Variants in ZBTB42 observed in about 807,000 individuals in gnomAD.
ZBTB42 encodes zinc finger and BTB domain-containing protein 42.
A neutral mutation model predicts 4.7 loss-of-function variants in ZBTB42; 3 were observed. The ratio of observed to expected loss-of-function variants is 0.64; its 90% CI spans 0.29 to 1.66. The LOEUF is 1.66. ZBTB42 is among the 40% of genes most tolerant of loss of function. The probability of loss-of-function intolerance (pLI) is 0.10; values close to 1 mark genes in which losing one functional copy is unlikely to be tolerated. For synonymous variants in ZBTB42, 255 were observed against 259.5 expected (o/e 0.98, Z 0.17); for missense variants, 521 against 577.1 (o/e 0.90, Z 1.00).
Position 104,802,474 on chromosome 14 carries a change from C to T in ZBTB42, c.*8C>T, listed in dbSNP as rs373056692. On this transcript the variant is annotated 3_prime_UTR_variant, in exon 1 of 1. Coordinates refer to ENST00000342537, the MANE Select transcript of ZBTB42 (RefSeq NM_001137601.3). The surrounding 1 kb of genome is among the most constrained non-coding windows in gnomAD (Gnocchi z 5.9). ...AAGTCCCTTCTGGTGTGATGCATCC[C>T]TGTGGGTCCTGAGGGTGGGGTGGAA... 197 of 1,544,608 alleles carry T rather than the reference C, an allele frequency of 1.3e-4. No homozygotes were observed. The African/African-American group carries it at 2.3e-3, about 18-fold the overall frequency.
Position 104,802,840 on chromosome 14 carries a change from C to T in ZBTB42, c.*374C>T. 1 of 310,442 alleles carries T rather than the reference C, an allele frequency of 3.2e-6. No homozygotes were observed. The highest frequency in any genetic ancestry group is 4.3e-5 in the South Asian group (1 of 23,028). The allele number at this position is 310,442 out of a possible 1,614,324, so 19.2% of individuals were successfully genotyped here. ...GTGAGATGGCACATCCATCTCCCGGCCCGGGACTTTCCTGACCACCTCTCT... is the reference window on the plus strand; with the variant it reads ...GTGAGATGGCACATCCATCTCCCGGTCCGGGACTTTCCTGACCACCTCTCT... On this transcript the variant is annotated 3_prime_UTR_variant, in exon 1 of 1. Coordinates refer to ENST00000342537, the MANE Select transcript of ZBTB42 (RefSeq NM_001137601.3). The surrounding 1 kb of genome is among the most constrained non-coding windows in gnomAD (Gnocchi z 5.9).
rs761257626 is a variant in ZBTB42 at position 104,802,412 on chromosome 14, C to G, written c.1215C>G (p.Leu405=). 2 of 1,551,042 alleles carry G rather than the reference C, an allele frequency of 1.3e-6. No individual in the cohort carries two copies. The highest frequency in any genetic ancestry group is 2.7e-5 in the African/African-American group (2 of 73,224). Residue 405 remains leucine, a synonymous_variant, in exon 1 of 1, where the codon CTC becomes CTG. Transcript: ENST00000342537. The surrounding 1 kb of genome is among the most constrained non-coding windows in gnomAD (Gnocchi z 5.9). ...GCCGTTTCACGCAGTCCGGGGACCT[C>G]TACCGCCACGTCCGCAAGTTTCACT... ...CERRFTQSGD[L]YRHVRKFHCG...
Position 104,801,821 on chromosome 14 carries a change from G to C in ZBTB42, c.624G>C (p.Gln208His). 6.5e-7 allele frequency: 1 copy of C among 1,550,186 alleles called. No homozygotes were observed. The highest frequency in any genetic ancestry group is 8.7e-7 in the Non-Finnish European group (1 of 1,146,888). ...QERVHPPCVL[Q>H]TPLCSQRQPG... Reference sequence around the variant, plus strand: ...GGGTCCACCCACCGTGCGTCCTCCAGACACCCCTCTGCAGCCAGAGGCAGC... The same window carrying C: ...GGGTCCACCCACCGTGCGTCCTCCACACACCCCTCTGCAGCCAGAGGCAGC... Residue 208 changes from glutamine to histidine, a missense_variant, in exon 1 of 1, where the codon CAG (glutamine) becomes CAC (histidine). By Grantham distance (24) the Gln-to-His change is conservative (BLOSUM62 0). Coordinates refer to ENST00000342537, the MANE Select transcript of ZBTB42 (RefSeq NM_001137601.3). This position sits in a 1 kb window ranked among gnomAD's most constrained non-coding sequence, Gnocchi z 4.4.
At position 104,802,170 on chromosome 14, in the gene ZBTB42, G is replaced by T. The variant is rs1243535294; in HGVS notation, c.973G>T (p.Ala325Ser). The change falls in exon 1 of 1, where the codon GCC (alanine) becomes TCC (serine). Residue 325 changes from alanine to serine, a missense_variant. Coordinates refer to ENST00000342537, the MANE Select transcript of ZBTB42 (RefSeq NM_001137601.3). The surrounding 1 kb of genome is among the most constrained non-coding windows in gnomAD (Gnocchi z 5.9). ...CTTCCGTGAGCGAGACAGCACCCGG[G>T]CCCGGCTCTCACCCGACGGCGTGGC... The part of the protein sequence containing the change: ...AHFRERDSTR[A>S]RLSPDGVAPT... 1 of 1,548,580 alleles carries T rather than the reference G, an allele frequency of 6.5e-7. No individual in the cohort carries two copies. Among genetic ancestry groups the T allele is most frequent in the Non-Finnish European group, 8.7e-7 (1 of 1,146,792 alleles).
rs1566830718 is a variant in ZBTB42 at position 104,801,795 on chromosome 14, C to A, written c.598C>A (p.Arg200=). Residue 200 remains arginine (R), a synonymous_variant, in exon 1 of 1, where the codon CGG becomes AGG. Transcript: ENST00000342537. This position sits in a 1 kb window ranked among gnomAD's most constrained non-coding sequence, Gnocchi z 4.4. ...LSLKSGPRQE[R]VHPPCVLQTP... is the part of the protein sequence containing the mutation. ...GTTGAAGTCTGGCCCAAGGCAGGAG[C>A]GGGTCCACCCACCGTGCGTCCTCCA... The A allele has an allele frequency of 6.5e-7, 1 of 1,549,442 alleles. No individual in the cohort carries two copies. Among genetic ancestry groups the A allele is most frequent in the African/African-American group, 1.4e-5 (1 of 73,046 alleles).
rs1894086866 is a variant in ZBTB42 at position 104,803,040 on chromosome 14, GGGCC to G, written c.*575_*578del. 6.5e-6 allele frequency: 1 copy of G among 153,976 alleles called. No individual in the cohort carries two copies. The highest frequency in any genetic ancestry group is 2.6e-5 in the African/African-American group (1 of 38,650). 9.5% of individuals were successfully genotyped at this position (153,976 alleles called of 1,614,324 possible). A position where few individuals can be genotyped will look rare whatever the true frequency, so the allele number is the denominator to read the frequency against. Reference sequence around the variant, plus strand: ...CCTGGGGCACAGTGAGTGCCAGCAGGGGCCATCTGGGCACAGCTGGTGTCTCGGG... The same window carrying G: ...CCTGGGGCACAGTGAGTGCCAGCAGGATCTGGGCACAGCTGGTGTCTCGGG... On this transcript the variant is annotated 3_prime_UTR_variant, in exon 1 of 1. Transcript: ENST00000342537.
chr14:104,801,023 G>A, upstream of ZBTB42: 2 of 765,830 alleles, frequency 2.6e-6, no homozygotes, highest in Non-Finnish European at 3.7e-6. The surrounding 1 kb of genome is among the most constrained non-coding windows in gnomAD (Gnocchi z 4.4). Context: ...GTTTACTTTC[G>A]ATCGAGTTTT....
rs779296169 is a variant in ZBTB42 at position 104,802,783 on chromosome 14, A to G, written c.*317A>G. 1.2e-5 allele frequency: 5 copies of G among 418,104 alleles called. No homozygotes were observed. Among genetic ancestry groups the G allele is most frequent in the Non-Finnish European group, 2.2e-5 (5 of 222,776 alleles). 25.9% of individuals were successfully genotyped at this position (418,104 alleles called of 1,614,324 possible). On this transcript the variant is annotated 3_prime_UTR_variant, in exon 1 of 1. Transcript: ENST00000342537. The surrounding 1 kb of genome is among the most constrained non-coding windows in gnomAD (Gnocchi z 5.9). ...CCAGCCAAGTTCTGAGGGGTGTCCAACCAGCACCTGGCTCTGCCCCCGTTT... is the reference window on the plus strand; with the variant it reads ...CCAGCCAAGTTCTGAGGGGTGTCCAGCCAGCACCTGGCTCTGCCCCCGTTT...
rs142321750 is a variant in ZBTB42 at position 104,802,207 on chromosome 14, C to G, written c.1010C>G (p.Pro337Arg). 8 of 1,550,002 alleles carry G rather than the reference C, an allele frequency of 5.2e-6. No homozygotes were observed. In the Admixed American group the frequency reaches 9.8e-5, roughly 19 times the overall value. Reference sequence around the variant, plus strand: ...CCCGACGGCGTGGCACCCACCTGCCCGCTCTGTGGGAAGACCTTCTCGTGC... The same window carrying G: ...CCCGACGGCGTGGCACCCACCTGCCGGCTCTGTGGGAAGACCTTCTCGTGC... ...LSPDGVAPTC[P>R]LCGKTFSCTY... is the part of the protein sequence containing the mutation. The change falls in exon 1 of 1, where the codon CCG becomes CGG. Residue 337 changes from proline (P) to arginine (R), a missense_variant. Pro to Arg is a moderately radical substitution (Grantham distance 103). Transcript: ENST00000342537. The surrounding 1 kb of genome is among the most constrained non-coding windows in gnomAD (Gnocchi z 5.9).
At position 104,802,071 on chromosome 14, in the gene ZBTB42, C is replaced by T. The variant is rs1326124397; in HGVS notation, c.874C>T (p.Pro292Ser). ...ASEDELGPGG[P>S]LCICPLCSKL... ...TGAGGACGAGCTGGGGCCTGGTGGG[C>T]CCCTCTGCATCTGCCCGTTGTGCAG... The change falls in exon 1 of 1, where the codon CCC becomes TCC. Residue 292 changes from proline to serine, a missense_variant. Coordinates refer to ENST00000342537, the MANE Select transcript of ZBTB42 (RefSeq NM_001137601.3). The surrounding 1 kb of genome is among the most constrained non-coding windows in gnomAD (Gnocchi z 5.9). 3.3e-6 allele frequency: 5 copies of T among 1,504,258 alleles called. No homozygotes were observed. Among genetic ancestry groups the T allele is most frequent in the Non-Finnish European group, 4.4e-6 (5 of 1,126,342 alleles). The allele number at this position is 1,504,258 out of a possible 1,614,324, so 93.2% of individuals were successfully genotyped here.
In ZBTB42 at chr14:104,802,494, G is replaced by A; in HGVS notation, c.*28G>A. The stretch of plus-strand genomic sequence containing the variant: ...CATCCCTGTGGGTCCTGAGGGTGGG[G>A]TGGAAGGGAAGGGATGGGCCCTCCC... On this transcript the variant is annotated 3_prime_UTR_variant, in exon 1 of 1. Transcript: ENST00000342537. This position sits in a 1 kb window ranked among gnomAD's most constrained non-coding sequence, Gnocchi z 5.9. The A allele has an allele frequency of 6.5e-7, 1 of 1,534,582 alleles. No homozygotes were observed. Among genetic ancestry groups the A allele is most frequent in the Non-Finnish European group, 8.8e-7 (1 of 1,137,284 alleles).
In ZBTB42 at chr14:104,802,206, C is replaced by G. The variant is rs1418892433; in HGVS notation, c.1009C>G (p.Pro337Ala). 1.9e-6 allele frequency: 3 copies of G among 1,550,028 alleles called. No homozygotes were observed. The highest frequency in any genetic ancestry group is 2.6e-6 in the Non-Finnish European group (3 of 1,146,958). Reference protein sequence around the residue: ...LSPDGVAPTCPLCGKTFSCTY... With the variant: ...LSPDGVAPTCALCGKTFSCTY... The stretch of plus-strand genomic sequence containing the variant: ...ACCCGACGGCGTGGCACCCACCTGC[C>G]CGCTCTGTGGGAAGACCTTCTCGTG... Residue 337 changes from proline to alanine, a missense_variant, in exon 1 of 1, where the codon CCG (proline) becomes GCG (alanine). By Grantham distance (27) the Pro-to-Ala change is conservative. Transcript: ENST00000342537. The surrounding 1 kb of genome is among the most constrained non-coding windows in gnomAD (Gnocchi z 5.9).
upstream of ZBTB42, chr14:104,801,017 A>T (rs528036812): frequency 1.0e-5 from 7 of 701,152 alleles, no homozygotes; most frequent in African/African-American, 1.9e-5. The surrounding 1 kb of genome is among the most constrained non-coding windows in gnomAD (Gnocchi z 4.4). Context: ...GCTACTGTTT[A>T]CTTTCGATCG....
At position 104,801,297 on chromosome 14, in the gene ZBTB42, C is replaced by T. The variant is rs540040740; in HGVS notation, c.100C>T (p.Arg34Cys). ...CTGCACCGTGCTGGTGGGCGACGCG[C>T]GCTTCCCGGCCCACCGTGCCGTGCT... ...CDCTVLVGDA[R>C]FPAHRAVLAA... Residue 34 changes from arginine to cysteine, a missense_variant, in exon 1 of 1, where the codon CGC becomes TGC. By Grantham distance (180) the Arg-to-Cys change is radical. Transcript: ENST00000342537. This position sits in a 1 kb window ranked among gnomAD's most constrained non-coding sequence, Gnocchi z 4.4. 123 of 1,544,998 alleles carry T rather than the reference C, an allele frequency of 8.0e-5. No individual in the cohort carries two copies. Among genetic ancestry groups the T allele is most frequent in the Non-Finnish European group, 1.0e-4 (117 of 1,145,758 alleles).
Position 104,802,345 on chromosome 14 carries a change from T to C in ZBTB42, c.1148T>C (p.Val383Ala). 6.4e-7 allele frequency: 1 copy of C among 1,550,464 alleles called. No individual in the cohort carries two copies. The highest frequency in any genetic ancestry group is 8.7e-7 in the Non-Finnish European group (1 of 1,146,992). The change falls in exon 1 of 1, where the codon GTG becomes GCG. Residue 383 changes from valine to alanine, a missense_variant. Physicochemically the swap from Val to Ala is moderately conservative, Grantham distance 64. Coordinates refer to ENST00000342537, the MANE Select transcript of ZBTB42 (RefSeq NM_001137601.3). The surrounding 1 kb of genome is among the most constrained non-coding windows in gnomAD (Gnocchi z 5.9). The stretch of plus-strand genomic sequence containing the variant: ...CACAACCTGAGCCGGCACACCGTAG[T>C]GCACACTCGAGAGAAGCCGCATGCC... ...YSHNLSRHTV[V>A]HTREKPHACR...
At chr14:104,800,962 C>G (rs889150551), upstream of ZBTB42, 1 of 422,920 alleles carries the variant, frequency 2.4e-6, no homozygotes, top group Admixed American at 4.5e-5. This position sits in a 1 kb window ranked among gnomAD's most constrained non-coding sequence, Gnocchi z 5.3. Flanking sequence ...TGCGCGGCTC[C>G]GGCTCCTGCG....
chr14:104,804,524 G>T lies in ZBTB42; in HGVS notation c.*2058G>T, dbSNP rs1038488397. 6.0e-6 allele frequency: 1 copy of T among 166,972 alleles called. No individual in the cohort carries two copies. Among genetic ancestry groups the T allele is most frequent in the Non-Finnish European group, 1.5e-5 (1 of 68,138 alleles). The allele number at this position is 166,972 out of a possible 1,614,324, so 10.3% of individuals were successfully genotyped here. ...CCTGTGCAGACACAAGGCAAACAGC[G>T]TCAGCAGCGTGGGGGTCTCCTGGGC... On this transcript the variant is annotated 3_prime_UTR_variant, in exon 1 of 1. Coordinates refer to ENST00000342537, the MANE Select transcript of ZBTB42 (RefSeq NM_001137601.3).
chr14:104,801,990 C>T lies in ZBTB42; in HGVS notation c.793C>T (p.Pro265Ser). The T allele has an allele frequency of 6.6e-7, 1 of 1,506,050 alleles. No homozygotes were observed. The allele number at this position is 1,506,050 out of a possible 1,614,324, so 93.3% of individuals were successfully genotyped here. A position where few individuals can be genotyped will look rare whatever the true frequency, so the allele number is the denominator to read the frequency against. ...KGLVVGLQPL[P>S]LSGEGSRELE... ...CCTGGTGGTGGGCTTGCAGCCGCTGCCCCTCAGCGGAGAGGGCAGCCGGGA... is the reference window on the plus strand; with the variant it reads ...CCTGGTGGTGGGCTTGCAGCCGCTGTCCCTCAGCGGAGAGGGCAGCCGGGA... Residue 265 changes from proline to serine, a missense_variant, in exon 1 of 1, where the codon CCC becomes TCC. By Grantham distance (74) the Pro-to-Ser change is moderately conservative. Transcript: ENST00000342537. The surrounding 1 kb of genome is among the most constrained non-coding windows in gnomAD (Gnocchi z 4.4).
rs1398217686 is a variant in ZBTB42 at position 104,803,156 on chromosome 14, C to T, written c.*690C>T. 1.8e-5 allele frequency: 3 copies of T among 167,182 alleles called. No homozygotes were observed. The highest frequency in any genetic ancestry group is 1.5e-5 in the Non-Finnish European group (1 of 68,510). The allele number at this position is 167,182 out of a possible 1,614,324, so 10.4% of individuals were successfully genotyped here. A position where few individuals can be genotyped will look rare whatever the true frequency, so the allele number is the denominator to read the frequency against. ...AGCTGAGTGGCTGTGGCATCATTGT[C>T]ACTCGGGTGGGACGTGGGTCCATGA... is the stretch of plus-strand genomic sequence containing the variant. On this transcript the variant is annotated 3_prime_UTR_variant, in exon 1 of 1. Transcript: ENST00000342537.
Sources: allele counts gnomAD v4.1 joint callset, GRCh38; gene constraint gnomAD v4.1.1; non-coding constraint Gnocchi (gnomAD v3.1); transcripts MANE v1.5; gene names NCBI Gene and HGNC (gene_info 2026-07-23, HGNC 2026-07-21).